The following PPARA variants were observed in gnomAD, a reference collection of about 807,000 sequenced individuals.
The protein encoded by PPARA is peroxisome proliferator activated receptor alpha.
PPARA carries 22 observed loss-of-function variants against 42.2 expected under a neutral mutation model. The observed-to-expected ratio is 0.52, with a 90% CI of 0.37 to 0.74. The LOEUF (loss-of-function observed/expected upper bound fraction) is 0.74. Ranked by LOEUF, PPARA falls within the 30% of genes least tolerant of loss-of-function variation. The probability of loss-of-function intolerance (pLI) is 0.00; values close to 1 mark genes in which losing one functional copy is unlikely to be tolerated. For synonymous variants in PPARA, 242 were observed against 239.3 expected, an observed-to-expected ratio of 1.01 and a Z score of -0.10; for missense variants, 465 against 608.2, an observed-to-expected ratio of 0.76 and a Z score of 2.48.
Position 46,195,107 on chromosome 22 carries a change from T to C in PPARA, c.-42-3235T>C. On this transcript the variant is annotated intron_variant, in intron 3 of 8. Coordinates refer to ENST00000407236, the MANE Select transcript of PPARA (RefSeq NM_005036.6). This position sits in a 1 kb window ranked among gnomAD's most constrained non-coding sequence, Gnocchi z 4.6. ...TAGTAGAGACGGGGTTTCACCCTGT[T>C]GGCCAGGCTGGTTTCGAACTCCTGA... Among the ~76,000 whole-genome samples, 1 of 150,980 alleles carries C rather than the reference T, an allele frequency of 6.6e-6. No homozygotes were observed. The highest frequency in any genetic ancestry group is 2.1e-4 in the South Asian group (1 of 4,766).
At position 46,232,086 on chromosome 22, in the gene PPARA, A is replaced by G. The variant is rs776553507; in HGVS notation, c.1006A>G (p.Asn336Asp). Residue 336 changes from asparagine (N) to aspartate (D), a missense_variant, in exon 8 of 9, where the codon AAT becomes GAT. Coordinates refer to ENST00000407236, the MANE Select transcript of PPARA (RefSeq NM_005036.6). The surrounding 1 kb of genome is among the most constrained non-coding windows in gnomAD (Gnocchi z 5.3). ...AGACGGGATGCTGGTAGCGTATGGA[A>G]ATGGGTTTATAACTCGTGAATTCCT... Reference protein sequence around the residue: ...NKDGMLVAYGNGFITREFLKS... With the variant: ...NKDGMLVAYGDGFITREFLKS... 6.2e-7 allele frequency: 1 copy of G among 1,614,254 alleles called. No homozygotes were observed. Among genetic ancestry groups the G allele is most frequent in the South Asian group, 1.1e-5 (1 of 91,088 alleles).
Position 46,201,953 on chromosome 22 carries a change from G to A in PPARA, c.208+3362G>A, listed in dbSNP as rs1022960533. On this transcript the variant is annotated intron_variant, in intron 4 of 8. Transcript: ENST00000407236. ...TCTTTTTTAAGGCAGGCAGGCTCCC[G>A]CAGCCCCACCCCCAGGGTGAAAAAT... Among the ~76,000 whole-genome samples the A allele has an allele frequency of 3.3e-5, 5 of 152,034 alleles. No homozygotes were observed. The East Asian group carries it at 9.6e-4, about 29-fold the overall frequency.
At position 46,232,498 on chromosome 22, in the gene PPARA, ATAT is replaced by A. The variant is rs1935946712; in HGVS notation, c.1159+262_1159+264del. The stretch of plus-strand genomic sequence containing the variant: ...GTAAATGTATGACATTTTAATCATA[ATAT>A]TAGCCAGGTGTGGGGGTGCACACCT... On this transcript the variant is annotated intron_variant, in intron 8 of 8. Transcript: ENST00000407236. The surrounding 1 kb of genome is among the most constrained non-coding windows in gnomAD (Gnocchi z 5.3). Among the ~76,000 whole-genome samples, 1 of 151,926 alleles carries A rather than the reference ATAT, an allele frequency of 6.6e-6. No homozygotes were observed. The highest frequency in any genetic ancestry group is 1.5e-5 in the Non-Finnish European group (1 of 67,994).
intron 3 of PPARA, among the ~76,000 whole-genome samples, chr22:46,186,354 G>A (rs1343250913): frequency 6.6e-6 from 1 of 151,994 alleles, no homozygotes; most frequent in Non-Finnish European, 1.5e-5. Flanking sequence ...TTATTCAAGG[G>A]TGTATTTGTG....
At chr22:46,176,210 G>T (rs570390914) in intron 2 of PPARA, 5 of 152,212 alleles carry the variant, frequency 3.3e-5, no homozygotes, top group Non-Finnish European at 5.9e-5. Flanking sequence ...ACAGGGCTAC[G>T]CTCAGTGGCT....
At chr22:46,198,187 G>A (rs1287203715) in intron 3 of PPARA, among the ~76,000 whole-genome samples, 155 bp from the exon 4 acceptor site, 5 of 139,272 alleles carry the variant, frequency 3.6e-5, no homozygotes, top group Admixed American at 1.6e-4. Context: ...GCAGTGAGCC[G>A]AGATTGTGCC....
intron 4 of PPARA, among the ~76,000 whole-genome samples, chr22:46,199,820 T>C (rs554972616): frequency 6.6e-6 from 1 of 152,252 alleles, no homozygotes; most frequent in South Asian, 2.1e-4. Context: ...TCTTCCGAGC[T>C]CAAGCAGTTC....
rs182229557 is a variant in PPARA, at chr22:46,186,544, T to C, written c.-43+9708T>C. ...CCATGTGCCCATTACTCTATAGACA[T>C]CTCGAACCACCTGGCCATGTAGCTG... On this transcript the variant is annotated intron_variant, in intron 3 of 8. Transcript: ENST00000407236. Among the ~76,000 whole-genome samples the C allele has an allele frequency of 5.7e-4, 86 of 152,168 alleles. 1 individual carries two copies. Among genetic ancestry groups the C allele is most frequent in the Non-Finnish European group, 5.6e-4 (38 of 68,002 alleles).
intron 7 of PPARA, among the ~76,000 whole-genome samples, chr22:46,220,885 G>A (rs78035198): frequency 0.027 from 4,048 of 151,988 alleles, 185 homozygotes; most frequent in African/African-American, 0.093. Flanking sequence ...AGAGGTTACA[G>A]CAAGCTGAGA....
intron 2 of PPARA, among the ~76,000 whole-genome samples, chr22:46,154,431 A>T (rs892416292): frequency 3.9e-5 from 6 of 152,074 alleles, no homozygotes; most frequent in African/African-American, 1.4e-4. Flanking sequence ...CAGCCTGGGC[A>T]ACCTGGCGAA....
intron 4 of PPARA, 85 bp from the exon 5 acceptor site, chr22:46,215,088 T>C: frequency 6.5e-7 from 1 of 1,534,226 alleles, no homozygotes; most frequent in Non-Finnish European, 9.0e-7. Flanking sequence ...AAGCCTCGTA[T>C]GCGAAATCAC....
chr22:46,189,695 TTC>T (rs1931274150), intron 3 of PPARA, among the ~76,000 whole-genome samples: 1 of 151,930 alleles, frequency 6.6e-6, no homozygotes. Flanking sequence ...AATCTTTTCT[TTC>T]TTTCTATTTT....
At chr22:46,201,471 C>T (rs577567075) in intron 4 of PPARA, among the ~76,000 whole-genome samples, 38 of 152,068 alleles carry the variant, frequency 2.5e-4, no homozygotes, top group African/African-American at 8.7e-4. Context: ...GATCATGGCC[C>T]CCAGAGCAGT....
At chr22:46,159,046 C>T (rs1027308431) in intron 2 of PPARA, among the ~76,000 whole-genome samples, 1 of 152,074 alleles carries the variant, frequency 6.6e-6, no homozygotes, top group African/African-American at 2.4e-5. Context: ...TGTGCCACCA[C>T]GCCCGGCTAA....
chr22:46,181,564 G>C (rs1213637591), intron 3 of PPARA, among the ~76,000 whole-genome samples: 1 of 152,160 alleles, frequency 6.6e-6, no homozygotes, highest in African/African-American at 2.4e-5. Context: ...GAAAGGTTTT[G>C]CTGGAGATTA....
At position 46,160,023 on chromosome 22, in the gene PPARA, C is replaced by T. The variant is rs376513231; in HGVS notation, c.-127+8053C>T. Among the ~76,000 whole-genome samples, 2 of 152,104 alleles carry T rather than the reference C, an allele frequency of 1.3e-5. No homozygotes were observed. Among genetic ancestry groups the T allele is most frequent in the African/African-American group, 4.8e-5 (2 of 41,434 alleles). On this transcript the variant is annotated intron_variant, in intron 2 of 8. Coordinates refer to ENST00000407236, the MANE Select transcript of PPARA (RefSeq NM_005036.6). This position sits in a 1 kb window ranked among gnomAD's most constrained non-coding sequence, Gnocchi z 4.5. Reference sequence around the variant, plus strand: ...ATCACAAGCTGTGACTGGAAGACGCCGACCACCACTGCAGCAGCCTGAAAA... The same window carrying T: ...ATCACAAGCTGTGACTGGAAGACGCTGACCACCACTGCAGCAGCCTGAAAA...
In PPARA at chr22:46,190,582, T is replaced by C. The variant is rs1931407321; in HGVS notation, c.-42-7760T>C. On this transcript the variant is annotated intron_variant, in intron 3 of 8. Coordinates refer to ENST00000407236, the MANE Select transcript of PPARA (RefSeq NM_005036.6). The surrounding 1 kb of genome is among the most constrained non-coding windows in gnomAD (Gnocchi z 5.6). The stretch of plus-strand genomic sequence containing the variant: ...AGGCTGGGCAACATAGTGAAACCTA[T>C]CTCTACAAAAATACAAAAATTAGCT... Among the ~76,000 whole-genome samples, 1 of 151,976 alleles carries C rather than the reference T, an allele frequency of 6.6e-6. No individual in the cohort carries two copies. The highest frequency in any genetic ancestry group is 1.5e-5 in the Non-Finnish European group (1 of 68,024).
chr22:46,153,816 A>G (rs1924845357), intron 2 of PPARA, among the ~76,000 whole-genome samples: 1 of 151,850 alleles, frequency 6.6e-6, no homozygotes, highest in Admixed American at 6.6e-5. Flanking sequence ...CTGAGATGGC[A>G]CCACAGCACC....
intron 3 of PPARA, among the ~76,000 whole-genome samples, chr22:46,186,093 G>A (rs1006252081): frequency 2.0e-5 from 3 of 150,386 alleles, no homozygotes; most frequent in Non-Finnish European, 4.4e-5. Flanking sequence ...AAGGGAAAGG[G>A]CCTTTTCTCT....
Sources: gnomAD v4.1 joint callset for allele counts (sites outside exome capture counted in the v4.1 genomes callset) on GRCh38, gnomAD v4.1.1 for gene constraint, Gnocchi (gnomAD v3.1) non-coding constraint, MANE v1.5 for transcripts, NCBI Gene and HGNC (gene_info 2026-07-23, HGNC 2026-07-21) for gene names.